Variants in CDK5RAP2 observed in about 807,000 individuals in gnomAD.
The protein encoded by CDK5RAP2 is CDK5 regulatory subunit associated protein 2.
Under a neutral mutation model 232.9 loss-of-function variants are expected in CDK5RAP2, and 147 were observed. That is an observed-to-expected ratio of 0.63 (90% CI 0.55 to 0.72). CDK5RAP2 has a LOEUF of 0.72. Ranked by LOEUF, CDK5RAP2 falls within the 30% of genes least tolerant of loss-of-function variation. The probability of loss-of-function intolerance (pLI) is 0.00; values close to 1 mark genes in which losing one functional copy is unlikely to be tolerated. For missense variants in CDK5RAP2, 2,195 were observed against 2,231.5 expected (o/e 0.98, Z 0.33); for synonymous variants, 833 against 833.7 (o/e 1.00, Z 0.01).
At chr9:120,441,461 A>G (rs1052856337) in intron 23 of CDK5RAP2, among the ~76,000 whole-genome samples, 15 of 152,258 alleles carry the variant, frequency 9.9e-5, no homozygotes, top group African/African-American at 3.6e-4. Flanking sequence ...GGCACATAGT[A>G]GTGAAGGAAT....
At chr9:120,473,891 C>A (rs953507339) in intron 15 of CDK5RAP2, among the ~76,000 whole-genome samples, 6 of 152,218 alleles carry the variant, frequency 3.9e-5, no homozygotes, top group African/African-American at 1.2e-4. Flanking sequence ...CTGTGTCTGT[C>A]ATTTATGTTT....
At chr9:120,548,751 G>A (rs947706043) in intron 4 of CDK5RAP2, among the ~76,000 whole-genome samples, 1 of 152,222 alleles carries the variant, frequency 6.6e-6, no homozygotes, top group African/African-American at 2.4e-5. Context: ...GTTCAAGGTT[G>A]CAGTGAGCTA....
intron 2 of CDK5RAP2, among the ~76,000 whole-genome samples, chr9:120,569,672 A>G (rs2042776950): frequency 6.6e-6 from 1 of 152,210 alleles, no homozygotes; most frequent in South Asian, 2.1e-4. Context: ...GACAGACTGT[A>G]TACGGTTTTT....
chr9:120,559,645 A>C (rs914575721), intron 3 of CDK5RAP2, among the ~76,000 whole-genome samples: 2 of 151,980 alleles, frequency 1.3e-5, no homozygotes, highest in African/African-American at 2.4e-5. Flanking sequence ...ATTACCCAAA[A>C]TATAAAACCC....
At chr9:120,508,438 A>G (rs1052869707) in intron 12 of CDK5RAP2, among the ~76,000 whole-genome samples, 21 of 152,218 alleles carry the variant, frequency 1.4e-4, no homozygotes, top group African/African-American at 2.4e-5. Flanking sequence ...GCTGGGGGAA[A>G]AAAACTTAGA....
chr9:120,500,284 T>G (rs1393782596), intron 12 of CDK5RAP2, among the ~76,000 whole-genome samples: 1 of 147,214 alleles, frequency 6.8e-6, no homozygotes, highest in Non-Finnish European at 1.5e-5. Flanking sequence ...ATAAAACAAG[T>G]TTTTTTTTTC....
intron 18 of CDK5RAP2, among the ~76,000 whole-genome samples, chr9:120,463,489 A>G (rs1375884587): frequency 6.6e-6 from 1 of 152,202 alleles, no homozygotes; most frequent in Admixed American, 6.5e-5. Context: ...ACCTTCTGCA[A>G]TGTGGCTTTA....
intron 9 of CDK5RAP2, 115 bp downstream of exon 9, chr9:120,528,629 G>C (rs2041010074): frequency 1.4e-6 from 1 of 736,738 alleles, no homozygotes; most frequent in South Asian, 1.5e-5. Flanking sequence ...GCATACAGTA[G>C]CATTCAATGA....
intron 17 of CDK5RAP2, 30 bp downstream of exon 17, chr9:120,470,081 G>T: frequency 9.0e-7 from 1 of 1,106,748 alleles, no homozygotes; most frequent in East Asian, 2.4e-5. Flanking sequence ...AAAAAGAAAA[G>T]AAAAGCACTA....
At chr9:120,425,907 C>G (rs948166373) in intron 25 of CDK5RAP2, among the ~76,000 whole-genome samples, 3 of 152,324 alleles carry the variant, frequency 2.0e-5, no homozygotes, top group Admixed American at 6.5e-5. Flanking sequence ...CAAAAGACAA[C>G]TGCACTACAC....
chr9:120,513,947 GT>G (rs1386783468), intron 12 of CDK5RAP2, among the ~76,000 whole-genome samples: 2 of 152,270 alleles, frequency 1.3e-5, no homozygotes, highest in Admixed American at 6.5e-5. Flanking sequence ...TGCTCCACCT[GT>G]ACATTTATCC....
chr9:120,418,315 T>G (rs868110620), intron 27 of CDK5RAP2, among the ~76,000 whole-genome samples: 1 of 151,864 alleles, frequency 6.6e-6, no homozygotes, highest in Non-Finnish European at 1.5e-5. Context: ...TAGAACAAGG[T>G]TGGGGTGGTG....
At position 120,419,345 on chromosome 9, in the gene CDK5RAP2, C is replaced by T. The variant is rs150817167; in HGVS notation, c.4177+443G>A. On this transcript the variant is annotated intron_variant, in intron 27 of 37. Coordinates refer to ENST00000349780, the MANE Select transcript of CDK5RAP2 (RefSeq NM_018249.6). ...GGCCATGGGTCACACTAAAGGAAAA[C>T]AAAGTAGATTCCTACAATCACAAAT... Among the ~76,000 whole-genome samples the T allele has an allele frequency of 2.7e-3, 414 of 152,228 alleles. 3 individuals are homozygous for T. Among genetic ancestry groups the T allele is most frequent in the African/African-American group, 9.3e-3 (386 of 41,544 alleles).
At position 120,518,211 on chromosome 9, in the gene CDK5RAP2, G is replaced by GAC. The variant is rs1554770756; in HGVS notation, c.1311+215_1311+216insGT. ...TGTGTGTGTGTGTGTGTGTGTGTGT[G>GAC]AGAGAGAGAGAGAGAGAGAGAGAGA... On this transcript the variant is annotated intron_variant, in intron 12 of 37. Coordinates refer to ENST00000349780, the MANE Select transcript of CDK5RAP2 (RefSeq NM_018249.6). Among the ~76,000 whole-genome samples the GAC allele has an allele frequency of 7.2e-3, 229 of 31,622 alleles. 1 individual carries two copies. The highest frequency in any genetic ancestry group is 0.016 in the African/African-American group (146 of 9,192). The allele number at this position is 31,622 out of a possible 152,430, so 20.7% of individuals were successfully genotyped here.
At chr9:120,522,624 A>G (rs965713358) in intron 11 of CDK5RAP2, among the ~76,000 whole-genome samples, 1 of 152,166 alleles carries the variant, frequency 6.6e-6, no homozygotes, top group African/African-American at 2.4e-5. Context: ...GCCATTTCCA[A>G]TTTGAAAGTT....
In CDK5RAP2 at chr9:120,530,140, T is replaced by C. The variant is rs780643069; in HGVS notation, c.663A>G (p.Arg221=). The change falls in exon 8 of 38, where the codon AGA becomes AGG. Residue 221 remains arginine (R), a splice_region_variant and synonymous_variant. Transcript: ENST00000349780. ...AAGACAGCTTCAACTCCTCAATCAG[T>C]CTAAAAGAGAACAAAATTTAAATAT... is the stretch of plus-strand genomic sequence containing the variant. ...AMALVLDEKD[R]LIEELKLSLK... 5.3e-5 allele frequency: 86 copies of C among 1,611,680 alleles called. 4 individuals are homozygous for C. In the South Asian group the frequency reaches 9.3e-4, roughly 18 times the overall value.
intron 8 of CDK5RAP2, 162 bp from the exon 9 acceptor site, chr9:120,528,959 C>A: frequency 1.5e-6 from 1 of 653,314 alleles, no homozygotes; most frequent in Non-Finnish European, 2.8e-6. Flanking sequence ...CACCCAAAGC[C>A]CTGCCTGATT....
At chr9:120,557,949 A>G (rs1200161084) in intron 3 of CDK5RAP2, among the ~76,000 whole-genome samples, 3 of 149,752 alleles carry the variant, frequency 2.0e-5, no homozygotes, top group African/African-American at 7.3e-5. Flanking sequence ...TAGTTTTAAT[A>G]GAGACGAGTT....
intron 28 of CDK5RAP2, 60 bp from the exon 29 acceptor site, chr9:120,411,534 C>T: frequency 1.1e-6 from 1 of 920,248 alleles, no homozygotes; most frequent in South Asian, 1.3e-5. Flanking sequence ...ATAGACAGAA[C>T]TTTCTAGAAA....
Sources: allele counts gnomAD v4.1 joint callset (sites outside exome capture counted in the v4.1 genomes callset), GRCh38; gene constraint gnomAD v4.1.1; transcripts MANE v1.5; gene names NCBI Gene and HGNC (gene_info 2026-07-23, HGNC 2026-07-21).